OR9Q1: variants seen among roughly 807,000 people sequenced by gnomAD.
OR9Q1 encodes the protein olfactory receptor family 9 subfamily Q member 1.
For missense variants in OR9Q1, 374 were observed against 378.8 expected, an observed-to-expected ratio of 0.99 and a Z score of 0.11; for synonymous variants, 153 against 148.6, an observed-to-expected ratio of 1.03 and a Z score of -0.22.
At position 58,144,610 on chromosome 11, in the gene OR9Q1, T is replaced by C. The variant is rs1242657263; in HGVS notation, c.-14-34821T>C. 3.3e-5 allele frequency: 5 copies of C among 152,336 alleles called. No individual in the cohort carries two copies. In the East Asian group the frequency reaches 7.8e-4, roughly 24 times the overall value. 9.4% of individuals were successfully genotyped at this position (152,336 alleles called of 1,614,324 possible). On this transcript the variant is annotated intron_variant, in intron 2 of 2. Coordinates refer to ENST00000335397, the MANE Select transcript of OR9Q1 (RefSeq NM_001005212.4). ...ATCACCATGGGGGGCAACCTGGGCA[T>C]GATTGTGCTAATTTAATTCAGACTG...
chr11:58,098,848 GA>G (rs1853756712), intron 2 of OR9Q1, among the ~76,000 whole-genome samples: 2 of 152,032 alleles, frequency 1.3e-5, no homozygotes, highest in Non-Finnish European at 2.9e-5. Flanking sequence ...CAGTCATTTA[GA>G]ATTCTAAACA....
At chr11:58,082,869 T>A (rs931004599) in intron 2 of OR9Q1, among the ~76,000 whole-genome samples, 1 of 150,350 alleles carries the variant, frequency 6.7e-6, no homozygotes, top group African/African-American at 2.4e-5. Flanking sequence ...TATGTGTACA[T>A]GTGCCATGCT....
chr11:58,065,963 C>T (rs1298353803), intron 2 of OR9Q1, among the ~76,000 whole-genome samples: 2 of 152,180 alleles, frequency 1.3e-5, no homozygotes, highest in African/African-American at 2.4e-5. Flanking sequence ...TCTCACCCAA[C>T]CCCCAAAGAC....
intron 2 of OR9Q1, among the ~76,000 whole-genome samples, chr11:58,178,910 ATTATATAT>A (rs1490498284): frequency 2.8e-5 from 4 of 144,678 alleles, no homozygotes; most frequent in South Asian, 2.1e-4. Context: ...TATTATATAT[ATTATATAT>A]TTATATATTA....
intron 1 of OR9Q1, among the ~76,000 whole-genome samples, chr11:58,048,724 G>C (rs1233365907): frequency 1.4e-5 from 2 of 141,380 alleles, no homozygotes; most frequent in East Asian, 2.1e-4. Flanking sequence ...AAAAAAGAGA[G>C]AAGAATCAAA....
At chr11:58,076,064 T>C (rs1219309165) in intron 2 of OR9Q1, among the ~76,000 whole-genome samples, 1 of 152,216 alleles carries the variant, frequency 6.6e-6, no homozygotes, top group African/African-American at 2.4e-5. Flanking sequence ...ATGGCAGACA[T>C]GAGTACCTGT....
intron 2 of OR9Q1, among the ~76,000 whole-genome samples, chr11:58,128,575 A>G (rs1252277250): frequency 6.6e-6 from 1 of 152,178 alleles, no homozygotes; most frequent in Non-Finnish European, 1.5e-5. Flanking sequence ...TCGCGTTATA[A>G]AGAAAATATA....
chr11:58,143,715 CG>C (rs751829320), intron 2 of OR9Q1, among the ~76,000 whole-genome samples: 3 of 151,422 alleles, frequency 2.0e-5, no homozygotes, highest in East Asian at 1.9e-4. Context: ...GGGCTGTAGG[CG>C]GGGGGGTGGC....
At chr11:58,082,320 A>G (rs1242287863) in intron 2 of OR9Q1, among the ~76,000 whole-genome samples, 1 of 152,164 alleles carries the variant, frequency 6.6e-6, no homozygotes, top group Admixed American at 6.5e-5. Flanking sequence ...GGCACTATTT[A>G]CAATAGCAAA....
chr11:58,094,898 T>C (rs1188451005), intron 2 of OR9Q1, among the ~76,000 whole-genome samples: 1 of 152,222 alleles, frequency 6.6e-6, no homozygotes, highest in Non-Finnish European at 1.5e-5. Flanking sequence ...AACAGATTTT[T>C]ATCTTCTAGT....
chr11:58,151,648 A>G (rs1287693825), intron 2 of OR9Q1, among the ~76,000 whole-genome samples: 3 of 152,208 alleles, frequency 2.0e-5, no homozygotes, highest in East Asian at 1.9e-4. Flanking sequence ...CTGGGTAAAC[A>G]TAGGTCTAGT....
At chr11:58,148,255 A>G (rs2119888014) in intron 2 of OR9Q1, among the ~76,000 whole-genome samples, 1 of 152,264 alleles carries the variant, frequency 6.6e-6, no homozygotes, top group East Asian at 1.9e-4. Flanking sequence ...CTAGTGTAGA[A>G]TGATGGAGTG....
chr11:58,143,385 C>T lies in OR9Q1; in HGVS notation c.-14-36046C>T, dbSNP rs749183432. On this transcript the variant is annotated intron_variant, in intron 2 of 2. Coordinates refer to ENST00000335397, the MANE Select transcript of OR9Q1 (RefSeq NM_001005212.4). ...AGCCCATGTCTTTTATACTACACCACTAGGATTTCTTCAACAAAGTGCTTT... is the reference window on the plus strand; with the variant it reads ...AGCCCATGTCTTTTATACTACACCATTAGGATTTCTTCAACAAAGTGCTTT... 1.1e-3 allele frequency among the ~76,000 whole-genome samples: 173 copies of T among 152,196 alleles called. 3 individuals are homozygous for T. Among genetic ancestry groups the T allele is most frequent in the Non-Finnish European group, 4.1e-4 (28 of 68,042 alleles).
intron 2 of OR9Q1, among the ~76,000 whole-genome samples, chr11:58,130,613 G>A (rs1267584700): frequency 4.6e-5 from 7 of 152,152 alleles, no homozygotes; most frequent in Non-Finnish European, 1.5e-5. Flanking sequence ...CCTACATGGC[G>A]AAACCCCATT....
At chr11:58,165,117 G>A (rs1321170361) in intron 2 of OR9Q1, among the ~76,000 whole-genome samples, 9 of 152,162 alleles carry the variant, frequency 5.9e-5, no homozygotes, top group African/African-American at 2.2e-4. Context: ...CCACAAGAAT[G>A]CAAGCTCATA....
At chr11:58,111,707 T>A (rs192110828) in intron 2 of OR9Q1, among the ~76,000 whole-genome samples, 5 of 152,214 alleles carry the variant, frequency 3.3e-5, no homozygotes, top group Non-Finnish European at 7.4e-5. Flanking sequence ...TGGGTTGCAG[T>A]TGGGGCTGAC....
chr11:58,082,583 CT>C (rs1853597835), intron 2 of OR9Q1, among the ~76,000 whole-genome samples: 1 of 86,044 alleles, frequency 1.2e-5, no homozygotes, highest in African/African-American at 4.8e-5. Flanking sequence ...TCATCACACT[CT>C]GGGGCCTGTT....
chr11:58,116,155 C>T (rs551643232), intron 2 of OR9Q1, among the ~76,000 whole-genome samples: 1 of 152,312 alleles, frequency 6.6e-6, no homozygotes, highest in Admixed American at 6.5e-5. Flanking sequence ...TTTTTCCCTG[C>T]TCTGCTGTTT....
chr11:58,152,824 AT>A (rs1386459236), intron 2 of OR9Q1, among the ~76,000 whole-genome samples: 2 of 152,130 alleles, frequency 1.3e-5, no homozygotes, highest in African/African-American at 4.8e-5. Context: ...ATTTGCTACA[AT>A]TTCATTTTTT....
Sources: gnomAD v4.1 joint callset for allele counts (sites outside exome capture counted in the v4.1 genomes callset) on GRCh38, gnomAD v4.1.1 for gene constraint, MANE v1.5 for transcripts, NCBI Gene and HGNC (gene_info 2026-07-23, HGNC 2026-07-21) for gene names.